Variants in ADGB observed in about 807,000 individuals in gnomAD.
The protein encoded by ADGB is calpain-7-like protein.
ADGB carries 172 observed loss-of-function variants against 210.5 expected under a neutral mutation model. That is an observed-to-expected ratio of 0.82 (90% CI 0.72 to 0.93). The LOEUF is 0.93. Among genes scored for constraint, ADGB ranks in the 40% least tolerant of loss-of-function variants. The pLI is 0.00. For missense variants in ADGB, 2,025 were observed against 1,964.8 expected (o/e 1.03, Z -0.58); for synonymous variants, 658 against 662.7 (o/e 0.99, Z 0.11).
intron 33 of ADGB, among the ~76,000 whole-genome samples, chr6:146,793,206 T>C (rs983933539): frequency 7.3e-6 from 1 of 136,762 alleles, no homozygotes; most frequent in Non-Finnish European, 1.5e-5. Flanking sequence ...CGCTGATTGG[T>C]GCATTTTACA....
At position 146,691,108 on chromosome 6, in the gene ADGB, T is replaced by C. The variant is rs1445566581; in HGVS notation, c.1312-8T>C. On this transcript the variant is annotated splice_region_variant and splice_polypyrimidine_tract_variant and intron_variant, in intron 10 of 35. Coordinates refer to ENST00000397944, the MANE Select transcript of ADGB (RefSeq NM_024694.4). ...AGAATGCTTTTCAATTTACTTTCCA[T>C]CTTCTAGGCAGATTCTGCTGAGAAA... The C allele has an allele frequency of 6.6e-7, 1 of 1,507,570 alleles. No individual in the cohort carries two copies. Among genetic ancestry groups the C allele is most frequent in the African/African-American group, 1.4e-5 (1 of 70,904 alleles). 93.4% of individuals were successfully genotyped at this position (1,507,570 alleles called of 1,614,324 possible).
intron 1 of ADGB, among the ~76,000 whole-genome samples, chr6:146,617,262 GA>G (rs1436252266): frequency 5.9e-5 from 9 of 152,126 alleles, no homozygotes; most frequent in Middle Eastern, 3.4e-3. Flanking sequence ...GTTGGTGTAT[GA>G]AAATGCTACC....
chr6:146,611,191 A>T (rs1780704183), intron 1 of ADGB, among the ~76,000 whole-genome samples: 1 of 151,998 alleles, frequency 6.6e-6, no homozygotes, highest in Admixed American at 6.5e-5. Flanking sequence ...GAAGCACCCC[A>T]GTTGAGCATC....
chr6:146,762,097 G>T (rs1371580510), intron 27 of ADGB, among the ~76,000 whole-genome samples: 1 of 152,024 alleles, frequency 6.6e-6, no homozygotes, highest in Non-Finnish European at 1.5e-5. Flanking sequence ...AATTAGAACT[G>T]CAAACACCCT....
intron 26 of ADGB, among the ~76,000 whole-genome samples, chr6:146,749,192 G>A (rs1024146271): frequency 2.6e-5 from 4 of 152,122 alleles, no homozygotes; most frequent in African/African-American, 9.7e-5. Flanking sequence ...TAGATAGAGG[G>A]GAGAAGCTCA....
intron 19 of ADGB, among the ~76,000 whole-genome samples, chr6:146,727,429 C>T (rs1776912965): frequency 6.6e-6 from 1 of 152,312 alleles, no homozygotes; most frequent in African/African-American, 2.4e-5. Flanking sequence ...TCATTTTAGA[C>T]ACAGATGTCA....
chr6:146,766,883 T>G (rs776490703), intron 28 of ADGB, among the ~76,000 whole-genome samples: 9 of 152,162 alleles, frequency 5.9e-5, no homozygotes, highest in Non-Finnish European at 1.3e-4. Flanking sequence ...CAGACAGAAT[T>G]CTTCTCAGAA....
At chr6:146,752,265 G>A (rs1207739799) in intron 26 of ADGB, among the ~76,000 whole-genome samples, 1 of 151,918 alleles carries the variant, frequency 6.6e-6, no homozygotes. Flanking sequence ...GAGAGAAAGG[G>A]GGAGGGGGAC....
At chr6:146,683,713 A>G (rs1269998687) in intron 9 of ADGB, among the ~76,000 whole-genome samples, 1 of 152,048 alleles carries the variant, frequency 6.6e-6, no homozygotes, top group Non-Finnish European at 1.5e-5. Context: ...CCAGGTTTCC[A>G]TATATTTTAT....
At chr6:146,686,892 T>C (rs1431065895) in intron 10 of ADGB, among the ~76,000 whole-genome samples, 3 of 152,170 alleles carry the variant, frequency 2.0e-5, no homozygotes, top group African/African-American at 7.2e-5. Flanking sequence ...AAAACTTGAA[T>C]GGAAATTAGC....
intron 33 of ADGB, among the ~76,000 whole-genome samples, chr6:146,799,792 CTGTT>C (rs569730173): frequency 1.3e-5 from 2 of 152,076 alleles, no homozygotes; most frequent in South Asian, 4.2e-4. Context: ...AAACGTAAAA[CTGTT>C]TCTTTTGTTG....
chr6:146,787,488 T>C, intron 32 of ADGB, among the ~76,000 whole-genome samples: 1 of 151,634 alleles, frequency 6.6e-6, no homozygotes, highest in African/African-American at 2.4e-5. Context: ...AATTTGTCTA[T>C]TTTATGTAGG....
intron 12 of ADGB, among the ~76,000 whole-genome samples, chr6:146,697,405 C>T (rs1217570998): frequency 6.6e-6 from 1 of 152,032 alleles, no homozygotes; most frequent in East Asian, 1.9e-4. Context: ...AACTGTACTT[C>T]AATTATCCTT....
intron 26 of ADGB, 30 bp downstream of exon 26, chr6:146,746,139 A>AT (rs1488580414): frequency 2.9e-6 from 4 of 1,403,048 alleles, no homozygotes; most frequent in Non-Finnish European, 3.8e-6. Context: ...GGGGAAAGGC[A>AT]TTTTTTAAAA....
chr6:146,657,089 G>A (rs1013568933), intron 5 of ADGB, 109 bp downstream of exon 5: 18 of 1,000,186 alleles, frequency 1.8e-5, no homozygotes, highest in South Asian at 1.7e-5. Context: ...GGAGGCAAAG[G>A]CCAAGGCAGT....
chr6:146,629,202 T>A (rs1238258107), intron 1 of ADGB, among the ~76,000 whole-genome samples: 1 of 152,206 alleles, frequency 6.6e-6, no homozygotes, highest in African/African-American at 2.4e-5. Flanking sequence ...TTTGAATACT[T>A]AAAAGATCCC....
chr6:146,788,761 T>C (rs1457481426), intron 33 of ADGB, among the ~76,000 whole-genome samples, 151 bp downstream of exon 33: 1 of 152,188 alleles, frequency 6.6e-6, no homozygotes, highest in Non-Finnish European at 1.5e-5. Context: ...TTAATGGAGT[T>C]GGGAATTTGC....
Position 146,700,999 on chromosome 6 carries a change from G to C in ADGB, c.1636G>C (p.Val546Leu). The C allele has an allele frequency of 6.4e-7, 1 of 1,551,018 alleles. No individual in the cohort carries two copies. The highest frequency in any genetic ancestry group is 1.2e-5 in the South Asian group (1 of 84,032). Residue 546 changes from valine (V) to leucine (L), a missense_variant, in exon 13 of 36, where the codon GTC (valine) becomes CTC (leucine). Transcript: ENST00000397944. ...GIPPGSDLPSVSETDETATHS... is the reference protein window; with the variant it reads ...GIPPGSDLPSLSETDETATHS... ...ACCTCCAGGATCTGATTTACCTTCC[G>C]TCAGTGAAACTGATGAAACTGCAAC...
intron 16 of ADGB, among the ~76,000 whole-genome samples, chr6:146,718,749 T>C (rs1728208821): frequency 6.6e-6 from 1 of 152,220 alleles, no homozygotes; most frequent in Non-Finnish European, 1.5e-5. Flanking sequence ...TAAAGAGTCC[T>C]TGAAACTTTT....
Sources: allele counts gnomAD v4.1 joint callset (sites outside exome capture counted in the v4.1 genomes callset), GRCh38; gene constraint gnomAD v4.1.1; transcripts MANE v1.5; gene names NCBI Gene and HGNC (gene_info 2026-07-23, HGNC 2026-07-21).